FAM110B: variants seen among roughly 807,000 people sequenced by gnomAD.
The protein encoded by FAM110B is protein FAM110B.
A neutral mutation model predicts 20.4 loss-of-function variants in FAM110B; 6 were observed. The ratio of observed to expected loss-of-function variants is 0.29; its 90% CI spans 0.16 to 0.58. FAM110B has a LOEUF of 0.58. Ranked by LOEUF, FAM110B falls within the 20% of genes least tolerant of loss-of-function variation. The pLI, the probability that FAM110B is intolerant of heterozygous loss-of-function variation, is 0.90. For synonymous variants in FAM110B, 226 were observed against 214.1 expected (o/e 1.06, Z -0.49); for missense variants, 434 against 498.2 (o/e 0.87, Z 1.23).
At chr8:58,007,705 G>C (rs1054546965) in intron 1 of FAM110B, among the ~76,000 whole-genome samples, 1 of 152,192 alleles carries the variant, frequency 6.6e-6, no homozygotes, top group African/African-American at 2.4e-5. Flanking sequence ...GAACCAGGAA[G>C]GGGACCCTCA....
intron 1 of FAM110B, among the ~76,000 whole-genome samples, chr8:58,001,268 G>T (rs969294652): frequency 3.9e-5 from 6 of 152,084 alleles, no homozygotes; most frequent in Admixed American, 3.3e-4. Flanking sequence ...TTTAGGTAGT[G>T]CCAGAGAATA....
At chr8:58,070,976 A>G (rs969753368) in intron 2 of FAM110B, among the ~76,000 whole-genome samples, 1 of 152,180 alleles carries the variant, frequency 6.6e-6, no homozygotes, top group Non-Finnish European at 1.5e-5. Context: ...TTTAAAGTGT[A>G]TATTTAGCTG....
At chr8:58,069,764 C>T (rs1332944656) in intron 2 of FAM110B, among the ~76,000 whole-genome samples, 1 of 152,070 alleles carries the variant, frequency 6.6e-6, no homozygotes, top group Non-Finnish European at 1.5e-5. Flanking sequence ...TAAAGTAAGA[C>T]TCAGATTTTA....
At chr8:58,023,690 G>C (rs1286201122) in intron 1 of FAM110B, among the ~76,000 whole-genome samples, 1 of 152,156 alleles carries the variant, frequency 6.6e-6, no homozygotes, top group African/African-American at 2.4e-5. Flanking sequence ...TATAAACTCT[G>C]TGTTTGCTTT....
At chr8:58,092,331 G>A (rs1806502513) in intron 3 of FAM110B, among the ~76,000 whole-genome samples, 1 of 151,974 alleles carries the variant, frequency 6.6e-6, no homozygotes, top group African/African-American at 2.4e-5. Flanking sequence ...GTGCCATGGT[G>A]GTTTGCTGCA....
chr8:58,000,589 T>C (rs1283752651), intron 1 of FAM110B, among the ~76,000 whole-genome samples: 1 of 152,236 alleles, frequency 6.6e-6, no homozygotes, highest in Non-Finnish European at 1.5e-5. Flanking sequence ...CATTCATGGA[T>C]GTGTATATAT....
At position 58,004,688 on chromosome 8, in the gene FAM110B, T is replaced by C. The variant is rs201234786; in HGVS notation, c.-512+9882T>C. ...TGAGCCCGGGAAGCGGAGATTGCAG[T>C]GAGCTGAGATCGCACCACTGCACTC... On this transcript the variant is annotated intron_variant, in intron 1 of 3. Transcript: ENST00000519262. Among the ~76,000 whole-genome samples, 8 of 152,336 alleles carry C rather than the reference T, an allele frequency of 5.3e-5. No individual in the cohort carries two copies. In the East Asian group the frequency reaches 1.2e-3, roughly 22 times the overall value.
chr8:58,080,760 G>T (rs1806168871), intron 3 of FAM110B, among the ~76,000 whole-genome samples: 1 of 152,278 alleles, frequency 6.6e-6, no homozygotes, highest in South Asian at 2.1e-4. Context: ...TTCCTAATCT[G>T]CATTTCTTCT....
At chr8:58,063,255 A>T (rs548618384) in intron 2 of FAM110B, among the ~76,000 whole-genome samples, 7 of 152,314 alleles carry the variant, frequency 4.6e-5, no homozygotes, top group African/African-American at 7.2e-5. Context: ...GTGGGAAAAA[A>T]ATACAAGTTT....
At chr8:58,024,188 G>C in intron 1 of FAM110B, among the ~76,000 whole-genome samples, 1 of 70,932 alleles carries the variant, frequency 1.4e-5, no homozygotes, top group Non-Finnish European at 2.8e-5. Context: ...TTTTTTTTTT[G>C]TAAAACCCAG....
intron 3 of FAM110B, among the ~76,000 whole-genome samples, chr8:58,110,164 T>G (rs1807025741): frequency 6.6e-6 from 1 of 152,222 alleles, no homozygotes; most frequent in African/African-American, 2.4e-5. Context: ...ATATTTGGAC[T>G]GTTTAAAATT....
At position 58,148,207 on chromosome 8, in the gene FAM110B, A is replaced by T. The variant is rs1401086621; in HGVS notation, c.*864A>T. The T allele has an allele frequency of 9.8e-6, 1 of 101,824 alleles. No individual in the cohort carries two copies. The highest frequency in any genetic ancestry group is 2.2e-5 in the Non-Finnish European group (1 of 46,414). The allele number at this position is 101,824 out of a possible 1,614,324, so 6.3% of individuals were successfully genotyped here. On this transcript the variant is annotated 3_prime_UTR_variant, in exon 4 of 4. Coordinates refer to ENST00000519262, the MANE Select transcript of FAM110B (RefSeq NM_001377989.1). ...TTTTTGGTCGAGAACTACTAATTTC[A>T]TGCTATTTCTTTCTCTCTCCCTTTG...
chr8:58,075,948 C>T (rs1334511820), intron 3 of FAM110B, among the ~76,000 whole-genome samples: 1 of 151,984 alleles, frequency 6.6e-6, no homozygotes, highest in East Asian at 1.9e-4. Context: ...TAGAAGTCCT[C>T]TGTGTTTTAA....
intron 3 of FAM110B, 56 bp downstream of exon 3, chr8:58,075,679 G>A (rs1238669074): frequency 1.3e-5 from 2 of 151,948 alleles, no homozygotes; most frequent in African/African-American, 2.4e-5. Flanking sequence ...GATTCTCTAC[G>A]AAAACCTGTG....
At chr8:58,096,682 G>A (rs892472732) in intron 3 of FAM110B, among the ~76,000 whole-genome samples, 1 of 152,178 alleles carries the variant, frequency 6.6e-6, no homozygotes, top group African/African-American at 2.4e-5. Flanking sequence ...GCTGGTACTG[G>A]TTGTTCCTTT....
At chr8:57,999,343 C>T (rs1804248617) in intron 1 of FAM110B, among the ~76,000 whole-genome samples, 1 of 152,150 alleles carries the variant, frequency 6.6e-6, no homozygotes, top group Non-Finnish European at 1.5e-5. Flanking sequence ...TGTCCAGTTC[C>T]AGATGAGGCT....
At chr8:58,096,534 C>T (rs571801366) in intron 3 of FAM110B, among the ~76,000 whole-genome samples, 11 of 152,062 alleles carry the variant, frequency 7.2e-5, no homozygotes, top group Non-Finnish European at 1.6e-4. Flanking sequence ...GCATTTAGCC[C>T]GTTTACATTT....
chr8:58,079,698 T>C lies in FAM110B; in HGVS notation c.-325+4075T>C, dbSNP rs115404966. On this transcript the variant is annotated intron_variant, in intron 3 of 3. Coordinates refer to ENST00000519262, the MANE Select transcript of FAM110B (RefSeq NM_001377989.1). ...CGGGAGGCTGAGGTGGGAGGATTGC[T>C]TCATCCCAGGAGTTTGAGGCTGCAG... Among the ~76,000 whole-genome samples the C allele has an allele frequency of 2.2e-3, 338 of 152,138 alleles. 1 individual carries two copies. Among genetic ancestry groups the C allele is most frequent in the African/African-American group, 7.5e-3 (311 of 41,496 alleles).
intron 3 of FAM110B, among the ~76,000 whole-genome samples, chr8:58,095,165 C>CT (rs937499483): frequency 1.3e-5 from 2 of 152,122 alleles, no homozygotes; most frequent in Admixed American, 1.3e-4. Context: ...AGTGGTCTAT[C>CT]TATTTTGTTG....
Sources: gnomAD v4.1 joint callset for allele counts (sites outside exome capture counted in the v4.1 genomes callset) on GRCh38, gnomAD v4.1.1 for gene constraint, MANE v1.5 for transcripts, NCBI Gene and HGNC (gene_info 2026-07-23, HGNC 2026-07-21) for gene names.